Variants in EPHA7 observed in about 807,000 individuals in gnomAD.
EPHA7 encodes ephrin type-A receptor 7.
In EPHA7, 25 loss-of-function variants were observed where a neutral mutation model predicts 112.6. The observed-to-expected ratio is 0.22, with a 90% confidence interval of 0.16 to 0.31. The LOEUF (loss-of-function observed/expected upper bound fraction) is 0.31, where lower values mean the gene tolerates loss of function less well. Ranked by LOEUF, EPHA7 falls within the 10% of genes least tolerant of loss-of-function variation. EPHA7 has a pLI of 1.00. For missense variants in EPHA7, 962 were observed against 1,212.6 expected (o/e 0.79, Z 3.07); for synonymous variants, 437 against 406.5 (o/e 1.07, Z -0.90).
chr6:93,335,058 C>T (rs975779377), intron 5 of EPHA7, among the ~76,000 whole-genome samples: 7 of 152,152 alleles, frequency 4.6e-5, no homozygotes, highest in Admixed American at 6.6e-5. Flanking sequence ...ACTGTATGGG[C>T]TTTATCACCT....
At chr6:93,260,825 A>G (rs1770654109) in intron 9 of EPHA7, 3 of 787,888 alleles carry the variant, frequency 3.8e-6, no homozygotes, top group Non-Finnish European at 4.6e-6. Flanking sequence ...GAGAGAGGGG[A>G]TAGAAGGAGA....
At chr6:93,269,751 T>A in intron 6 of EPHA7, 91 bp from the exon 7 acceptor site, 1 of 1,075,076 alleles carries the variant, frequency 9.3e-7, no homozygotes, top group Non-Finnish European at 1.3e-6. Context: ...ATTTGCTCCA[T>A]TGTTTTTATA....
At chr6:93,272,154 T>C (rs987245542) in intron 6 of EPHA7, 144 bp downstream of exon 6, 13 of 779,362 alleles carry the variant, frequency 1.7e-5, no homozygotes, top group Non-Finnish European at 2.5e-5. Context: ...TTCACAGAGA[T>C]GGTTATTATA....
intron 5 of EPHA7, among the ~76,000 whole-genome samples, chr6:93,286,145 TAC>T (rs111975905): frequency 0.14 from 20,331 of 149,784 alleles, 1,776 homozygotes; most frequent in African/African-American, 0.24. Flanking sequence ...TGTTTTTCCT[TAC>T]ACACACACAC....
intron 14 of EPHA7, among the ~76,000 whole-genome samples, chr6:93,250,083 A>C (rs2127850038): frequency 6.6e-6 from 1 of 152,280 alleles, no homozygotes; most frequent in South Asian, 2.1e-4. Flanking sequence ...TAAAGGAATA[A>C]CAACAAGATA....
chr6:93,299,812 C>T lies in EPHA7; in HGVS notation c.1325-27390G>A, dbSNP rs186722043. On this transcript the variant is annotated intron_variant, in intron 5 of 16. Transcript: ENST00000369303. ...GCAGCCGTAAAAAAGAATGAGATCA[C>T]GTCTTTTGCAGGAACTTGGATGGAG... Among the ~76,000 whole-genome samples the T allele has an allele frequency of 1.2e-4, 18 of 152,306 alleles. No individual in the cohort carries two copies. In the South Asian group the frequency reaches 1.4e-3, roughly 12 times the overall value.
At chr6:93,393,484 G>C (rs976599793) in intron 3 of EPHA7, among the ~76,000 whole-genome samples, 2 of 151,780 alleles carry the variant, frequency 1.3e-5, no homozygotes, top group African/African-American at 4.8e-5. Context: ...CCAGTGAGAT[G>C]ATATCACTGG....
At chr6:93,302,080 T>C (rs1773014262) in intron 5 of EPHA7, among the ~76,000 whole-genome samples, 1 of 152,090 alleles carries the variant, frequency 6.6e-6, no homozygotes, top group African/African-American at 2.4e-5. Context: ...GGCCGGAAAG[T>C]GTGTAATTCT....
intron 5 of EPHA7, among the ~76,000 whole-genome samples, chr6:93,299,162 T>C (rs938132834): frequency 1.3e-5 from 2 of 151,484 alleles, no homozygotes; most frequent in African/African-American, 4.8e-5. Context: ...TCATCTCTAC[T>C]AAAAATACAA....
intron 1 of EPHA7, among the ~76,000 whole-genome samples, chr6:93,416,560 C>A (rs1779237551): frequency 6.6e-6 from 1 of 152,160 alleles, no homozygotes; most frequent in African/African-American, 2.4e-5. Flanking sequence ...GAACCCGGCC[C>A]GAGAACGTTT....
intron 1 of EPHA7, among the ~76,000 whole-genome samples, chr6:93,417,854 T>C (rs1007742213): frequency 6.6e-6 from 1 of 151,874 alleles, no homozygotes. Flanking sequence ...AGGTTGCAGA[T>C]GTGGAAAGTG....
At chr6:93,365,713 A>G (rs1017697465) in intron 3 of EPHA7, among the ~76,000 whole-genome samples, 11 of 152,188 alleles carry the variant, frequency 7.2e-5, no homozygotes, top group Non-Finnish European at 1.5e-4. Context: ...TTGTGGAACA[A>G]CATCCCTATC....
chr6:93,389,838 A>G (rs1317498092), intron 3 of EPHA7, among the ~76,000 whole-genome samples: 2 of 151,998 alleles, frequency 1.3e-5, no homozygotes, highest in Admixed American at 6.6e-5. Context: ...GAAAGAAAAA[A>G]CTTTCTTACA....
At chr6:93,287,587 T>C (rs917445137) in intron 5 of EPHA7, among the ~76,000 whole-genome samples, 1 of 151,768 alleles carries the variant, frequency 6.6e-6, no homozygotes. Flanking sequence ...GTTATATAGG[T>C]AAACTCGTGT....
chr6:93,274,691 C>G (rs911183101), intron 5 of EPHA7, among the ~76,000 whole-genome samples: 4 of 151,724 alleles, frequency 2.6e-5, no homozygotes, highest in Non-Finnish European at 5.9e-5. Flanking sequence ...GGGTCAGAAA[C>G]GGAAGCACTA....
intron 5 of EPHA7, among the ~76,000 whole-genome samples, chr6:93,317,414 G>T (rs997044337): frequency 1.3e-5 from 2 of 152,058 alleles, no homozygotes; most frequent in Non-Finnish European, 2.9e-5. Context: ...TACTAAATTG[G>T]GGGAACACAC....
At chr6:93,287,020 C>T (rs777106330) in intron 5 of EPHA7, among the ~76,000 whole-genome samples, 4 of 152,144 alleles carry the variant, frequency 2.6e-5, no homozygotes, top group Non-Finnish European at 5.9e-5. Context: ...GAAAAAGTCT[C>T]AAATTGATTC....
chr6:93,413,156 A>G (rs909329034), intron 2 of EPHA7, among the ~76,000 whole-genome samples: 7 of 151,966 alleles, frequency 4.6e-5, no homozygotes, highest in South Asian at 2.1e-4. Context: ...TTTTCTCAAA[A>G]CTTATATCTC....
At chr6:93,254,340 C>A (rs1770343597) in intron 14 of EPHA7, among the ~76,000 whole-genome samples, 1 of 152,112 alleles carries the variant, frequency 6.6e-6, no homozygotes, top group African/African-American at 2.4e-5. Context: ...TCATGTGATG[C>A]TCCCACTCCA....
Sources: gnomAD v4.1 joint callset for allele counts (sites outside exome capture counted in the v4.1 genomes callset) on GRCh38, gnomAD v4.1.1 for gene constraint, MANE v1.5 for transcripts, NCBI Gene and HGNC (gene_info 2026-07-23, HGNC 2026-07-21) for gene names.